Variants in CATSPER2 observed in about 807,000 individuals in gnomAD.
CATSPER2 encodes the protein cation channel sperm associated 2, also known as cation channel sperm-associated protein 2.
Under a neutral mutation model 68.8 loss-of-function variants are expected in CATSPER2, and 56 were observed. That is an observed-to-expected ratio of 0.81 (90% CI 0.66 to 1.02). The LOEUF is 1.02. Among genes scored for constraint, CATSPER2 ranks in the 50% least tolerant of loss-of-function variants. The pLI, the probability that CATSPER2 is intolerant of heterozygous loss-of-function variation, is 0.00. For missense variants in CATSPER2, 582 were observed against 642.0 expected, an observed-to-expected ratio of 0.91 and a Z score of 1.01; for synonymous variants, 198 against 229.9, an observed-to-expected ratio of 0.86 and a Z score of 1.26.
chr15:43,640,471 T>A lies in CATSPER2; in HGVS notation c.414A>T (p.Lys138Asn). The A allele has an allele frequency of 2.5e-6, 4 of 1,613,284 alleles. No homozygotes were observed. The East Asian group carries it at 8.9e-5, about 36-fold the overall frequency. Reference sequence around the variant, plus strand: ...CCAAGGTCAGCTTCAATGGCCATAGTTTGGTATTTGTGGATTCCAGCAATT... The same window carrying A: ...CCAAGGTCAGCTTCAATGGCCATAGATTGGTATTTGTGGATTCCAGCAATT... ...EIELLESTNT[K>N]LWPLKLTLEV... Residue 138 changes from lysine (K) to asparagine (N), a missense_variant, in exon 5 of 13, where the codon AAA becomes AAT. By Grantham distance (94) the Lys-to-Asn change is moderately conservative. This residue lies in a region of CATSPER2 where 197 missense variants were observed against 191.0 expected (regional missense o/e 1.03). Coordinates refer to ENST00000396879, the MANE Select transcript of CATSPER2 (RefSeq NM_172095.4).
chr15:43,643,917 T>C (rs781198172), intron 4 of CATSPER2, among the ~76,000 whole-genome samples: 24 of 151,944 alleles, frequency 1.6e-4, no homozygotes, highest in Non-Finnish European at 2.4e-4. Context: ...GGTGAGATCA[T>C]AGCTCACTGC....
chr15:43,641,467 CCTT>C (rs947369499), intron 4 of CATSPER2, among the ~76,000 whole-genome samples: 2 of 151,536 alleles, frequency 1.3e-5, no homozygotes, highest in African/African-American at 2.4e-5. Context: ...TCTCTTTCAA[CCTT>C]CTTCATCTCT....
At chr15:43,647,491 T>G in intron 2 of CATSPER2, 24 bp from the exon 3 acceptor site, 1 of 1,608,796 alleles carries the variant, frequency 6.2e-7, no homozygotes, top group South Asian at 1.1e-5. Flanking sequence ...TAAAAAGGGA[T>G]AGTGGATAAA....
chr15:43,639,124 C>T, intron 6 of CATSPER2, 96 bp from the exon 7 acceptor site: 3 of 1,414,264 alleles, frequency 2.1e-6, no homozygotes, highest in Non-Finnish European at 3.0e-6. Context: ...CCACCAAACC[C>T]TCTCTTGCAC....
At chr15:43,631,133 T>A (rs941515683) in intron 12 of CATSPER2, among the ~76,000 whole-genome samples, 3 of 152,062 alleles carry the variant, frequency 2.0e-5, no homozygotes, top group Middle Eastern at 3.4e-3. Flanking sequence ...AGTCCTCCTC[T>A]CTAATTTCTT....
At chr15:43,636,831 T>C (rs903690047) in intron 7 of CATSPER2, among the ~76,000 whole-genome samples, 6 of 151,132 alleles carry the variant, frequency 4.0e-5, no homozygotes, top group African/African-American at 1.2e-4. Flanking sequence ...TCTATTTTTT[T>C]TTCTTTTTTT....
At position 43,647,072 on chromosome 15, in the gene CATSPER2, C is replaced by T. The variant is rs778878947; in HGVS notation, c.366G>A (p.Thr122=). The change falls in exon 4 of 13, where the codon ACG becomes ACA. Residue 122 remains threonine, a synonymous_variant. Transcript: ENST00000396879. The stretch of plus-strand genomic sequence containing the variant: ...CACCTATTTCAACCATCAATATGAT[C>T]GTATTCAAAAAGACCAGGAAGATGA... ...NFIIFLVFLN[T]IILMVEIELL... 6 of 1,612,354 alleles carry T rather than the reference C, an allele frequency of 3.7e-6. No homozygotes were observed. Among genetic ancestry groups the T allele is most frequent in the Middle Eastern group, 1.6e-4 (1 of 6,082 alleles).
At chr15:43,645,575 C>T (rs1318759249) in intron 4 of CATSPER2, among the ~76,000 whole-genome samples, 1 of 151,570 alleles carries the variant, frequency 6.6e-6, no homozygotes, top group African/African-American at 2.4e-5. Context: ...TCTTTTGAGC[C>T]CAGGAGTTCA....
chr15:43,632,344 A>G lies in CATSPER2; in HGVS notation c.1416T>C (p.Thr472=). The part of the protein sequence containing the change: ...SESIGRLDWE[T]LVHENLPGLM... ...GCCCGGGCAGATTTTCGTGCACAAG[A>G]GTCTCCCAGTCCAAACGACCTGCAG... Residue 472 remains threonine, a synonymous_variant, in exon 12 of 13, where the codon ACT becomes ACC. Coordinates refer to ENST00000396879, the MANE Select transcript of CATSPER2 (RefSeq NM_172095.4). 1 of 1,613,644 alleles carries G rather than the reference A, an allele frequency of 6.2e-7. No individual in the cohort carries two copies. The highest frequency in any genetic ancestry group is 8.5e-7 in the Non-Finnish European group (1 of 1,179,848).
intron 4 of CATSPER2, 40 bp downstream of exon 4, chr15:43,647,010 C>T: frequency 1.3e-6 from 2 of 1,549,844 alleles, no homozygotes; most frequent in Non-Finnish European, 1.8e-6. Flanking sequence ...AGCCGGCGTG[C>T]CCGGCCTCAC....
rs2086221829 is a variant in CATSPER2 at position 43,648,766 on chromosome 15, C to G, written c.-140G>C. On this transcript the variant is annotated 5_prime_UTR_variant, in exon 1 of 13. Transcript: ENST00000396879. ...GCCTCACTGCGCCCCATTCCCCGCC[C>G]CGCTCGACCCCCAGGTTTCGGCTCA... 6.5e-7 allele frequency: 1 copy of G among 1,528,946 alleles called. No homozygotes were observed. The highest frequency in any genetic ancestry group is 2.5e-5 in the East Asian group (1 of 40,040). 94.7% of individuals were successfully genotyped at this position (1,528,946 alleles called of 1,614,324 possible). A position where few individuals can be genotyped will look rare whatever the true frequency, so the allele number is the denominator to read the frequency against.
chr15:43,638,286 C>CTTTCTTTTTTTTTTTTTTTTTTTTTTTTT lies in CATSPER2; in HGVS notation c.842+617_842+618insAAAAAAAAAAAAAAAAAAAAAAAAAGAAA, dbSNP rs1354288133. 1.1e-4 allele frequency among the ~76,000 whole-genome samples: 9 copies of CTTTCTTTTTTTTTTTTTTTTTTTTTTTTT among 81,836 alleles called. 1 individual carries two copies. The highest frequency in any genetic ancestry group is 6.0e-4 in the African/African-American group (8 of 13,274). 53.7% of individuals were successfully genotyped at this position (81,836 alleles called of 152,430 possible). On this transcript the variant is annotated intron_variant, in intron 7 of 12. Coordinates refer to ENST00000396879, the MANE Select transcript of CATSPER2 (RefSeq NM_172095.4). Reference sequence around the variant, plus strand: ...ATTTTTCTTTTCTTTTTCTTTCTTTCTTTTTTTTTTTTTTTTTTTTTGAGA... The same window carrying CTTTCTTTTTTTTTTTTTTTTTTTTTTTTT: ...ATTTTTCTTTTCTTTTTCTTTCTTTCTTTCTTTTTTTTTTTTTTTTTTTTTTTTTTTTTTTTTTTTTTTTTTTTTTGAGA...
At chr15:43,643,785 T>A (rs1439035366) in intron 4 of CATSPER2, among the ~76,000 whole-genome samples, 3 of 152,012 alleles carry the variant, frequency 2.0e-5, no homozygotes, top group Non-Finnish European at 4.4e-5. Context: ...AAAGTCAATG[T>A]AAAAAATTGT....
intron 7 of CATSPER2, among the ~76,000 whole-genome samples, chr15:43,638,274 T>TTTTCTTTC (rs1300623336): frequency 3.2e-5 from 4 of 126,072 alleles, no homozygotes; most frequent in East Asian, 2.2e-4. Context: ...TTTCTTTTCT[T>TTTTCTTTC]TTTCTTTCTT....
chr15:43,646,321 C>T (rs866898179), intron 4 of CATSPER2, among the ~76,000 whole-genome samples: 25 of 150,898 alleles, frequency 1.7e-4, no homozygotes, highest in Non-Finnish European at 3.5e-4. Flanking sequence ...GGTGCAGTGG[C>T]GTGATTTCAG....
chr15:43,640,222 T>C, intron 5 of CATSPER2, 102 bp downstream of exon 5: 2 of 1,583,148 alleles, frequency 1.3e-6, no homozygotes, highest in Non-Finnish European at 1.7e-6. Flanking sequence ...AGAAGTTAAG[T>C]AAATTTTTGT....
rs749660079 is a variant in CATSPER2, at chr15:43,635,743, G to A, written c.1105C>T (p.Arg369Trp). Residue 369 changes from arginine to tryptophan, a missense_variant, in exon 9 of 13, where the codon CGG becomes TGG. By Grantham distance (101) the Arg-to-Trp change is moderately radical (BLOSUM62 -3). Transcript: ENST00000396879. ...GAAGCAGACCTCTGGATGATCTGCCGCTTGAACATGTCAGCTTTGAGCTGA... is the reference window on the plus strand; with the variant it reads ...GAAGCAGACCTCTGGATGATCTGCCACTTGAACATGTCAGCTTTGAGCTGA... ...EVQLKADMFK[R>W]QIIQRRKNMS... 31 of 1,612,886 alleles carry A rather than the reference G, an allele frequency of 1.9e-5. 1 individual carries two copies. In the Middle Eastern group the frequency reaches 5.0e-4, roughly 26 times the overall value.
At chr15:43,631,857 C>G (rs1266663594) in intron 12 of CATSPER2, among the ~76,000 whole-genome samples, 1 of 151,936 alleles carries the variant, frequency 6.6e-6, no homozygotes, top group African/African-American at 2.4e-5. Context: ...CGTGCAGAAA[C>G]TGGTGGGCTG....
At chr15:43,643,580 G>A (rs554898795) in intron 4 of CATSPER2, among the ~76,000 whole-genome samples, 1 of 151,564 alleles carries the variant, frequency 6.6e-6, no homozygotes, top group African/African-American at 2.4e-5. Flanking sequence ...CAAGTGATCC[G>A]CAGGACTAGG....
Sources: gnomAD v4.1 joint callset for allele counts (sites outside exome capture counted in the v4.1 genomes callset) on GRCh38, gnomAD v4.1.1 for gene constraint, gnomAD v4.1.1 regional missense constraint, MANE v1.5 for transcripts, NCBI Gene and HGNC (gene_info 2026-07-23, HGNC 2026-07-21) for gene names.